The following SRRM4 variants were observed in gnomAD, a reference collection of about 807,000 sequenced individuals.
SRRM4 encodes the protein serine/arginine repetitive matrix 4.
SRRM4 carries 33 observed loss-of-function variants against 68.9 expected under a neutral mutation model. That is an observed-to-expected ratio of 0.48 (90% CI 0.36 to 0.64). The LOEUF (loss-of-function observed/expected upper bound fraction) is 0.64, where lower values mean the gene tolerates loss of function less well. Ranked by LOEUF, SRRM4 falls within the 30% of genes least tolerant of loss-of-function variation. SRRM4 has a pLI of 0.00. For synonymous variants in SRRM4, 318 were observed against 318.8 expected (o/e 1.00, Z 0.03); for missense variants, 817 against 827.1 (o/e 0.99, Z 0.15).
At chr12:119,084,584 G>A (rs1446852854) in intron 1 of SRRM4, among the ~76,000 whole-genome samples, 2 of 152,096 alleles carry the variant, frequency 1.3e-5, no homozygotes, top group African/African-American at 2.4e-5. Context: ...GGCTTGATTG[G>A]GCTATTTCTC....
At chr12:119,044,067 A>G (rs1953688766) in intron 1 of SRRM4, among the ~76,000 whole-genome samples, 1 of 151,718 alleles carries the variant, frequency 6.6e-6, no homozygotes, top group East Asian at 1.9e-4. Context: ...GGGTTTCTCC[A>G]TGTTGGTCAG....
intron 1 of SRRM4, among the ~76,000 whole-genome samples, chr12:119,085,167 G>T (rs1030179757): frequency 6.6e-6 from 1 of 152,222 alleles, no homozygotes; most frequent in Non-Finnish European, 1.5e-5. Flanking sequence ...CTCCCAAAGT[G>T]CTGGGATTAC....
At chr12:119,126,576 T>C (rs1382489337) in intron 7 of SRRM4, among the ~76,000 whole-genome samples, 1 of 152,178 alleles carries the variant, frequency 6.6e-6, no homozygotes, top group East Asian at 1.9e-4. Context: ...AGTAGAAAGT[T>C]CACTCTAATG....
chr12:119,093,231 T>C (rs918064141), intron 1 of SRRM4, among the ~76,000 whole-genome samples: 1 of 152,250 alleles, frequency 6.6e-6, no homozygotes, highest in Non-Finnish European at 1.5e-5. Context: ...TGCAGTACAA[T>C]GTGAGCTCCA....
chr12:119,032,027 T>C (rs1953594972), intron 1 of SRRM4, among the ~76,000 whole-genome samples: 1 of 152,258 alleles, frequency 6.6e-6, no homozygotes, highest in African/African-American at 2.4e-5. Flanking sequence ...GATTACTATC[T>C]AAAGTTCATT....
At chr12:119,093,645 T>A (rs1440431715) in intron 1 of SRRM4, among the ~76,000 whole-genome samples, 5 of 152,194 alleles carry the variant, frequency 3.3e-5, no homozygotes, top group Non-Finnish European at 5.9e-5. Context: ...TTCTTGCCCA[T>A]GGTGACACAA....
chr12:119,106,752 C>A (rs1161258933), intron 2 of SRRM4, among the ~76,000 whole-genome samples: 1 of 152,198 alleles, frequency 6.6e-6, no homozygotes, highest in African/African-American at 2.4e-5. Flanking sequence ...ATGTCATCTG[C>A]AAACAGGGAC....
intron 7 of SRRM4, among the ~76,000 whole-genome samples, chr12:119,126,666 G>T (rs1954263270): frequency 6.6e-6 from 1 of 152,204 alleles, no homozygotes; most frequent in Non-Finnish European, 1.5e-5. Context: ...AAGGCATCTT[G>T]TTGATGAGAA....
chr12:119,156,662 G>A lies in SRRM4; in HGVS notation c.1700G>A (p.Ser567Asn), dbSNP rs775791865. 1.9e-6 allele frequency: 3 copies of A among 1,574,010 alleles called. No individual in the cohort carries two copies. The highest frequency in any genetic ancestry group is 2.3e-5 in the South Asian group (2 of 85,998). ...CGGAGACGGAGCCGGACCCGCACGA[G>A]CAGCAGCTCTAGCTCCCGCAGCCCT... ...RSRRRSRTRTSSSSSSRSPSP... is the reference protein window; with the variant it reads ...RSRRRSRTRTNSSSSSRSPSP... Residue 567 changes from serine to asparagine, a missense_variant, in exon 13 of 13, where the codon AGC (serine) becomes AAC (asparagine). Coordinates refer to ENST00000267260, the MANE Select transcript of SRRM4 (RefSeq NM_194286.4).
intron 1 of SRRM4, among the ~76,000 whole-genome samples, chr12:118,998,426 C>T (rs1953363326): frequency 6.6e-6 from 1 of 152,100 alleles, no homozygotes; most frequent in South Asian, 2.1e-4. Flanking sequence ...TAATGTCTGT[C>T]ATCCTTGCAG....
At chr12:119,046,823 T>C (rs976989735) in intron 1 of SRRM4, among the ~76,000 whole-genome samples, 7 of 152,036 alleles carry the variant, frequency 4.6e-5, no homozygotes, top group African/African-American at 1.4e-4. Flanking sequence ...CAGCACAGTC[T>C]GGAACATAAA....
chr12:119,150,847 C>T (rs1439197663), intron 9 of SRRM4, among the ~76,000 whole-genome samples, 170 bp from the exon 10 acceptor site: 1 of 152,160 alleles, frequency 6.6e-6, no homozygotes, highest in Non-Finnish European at 1.5e-5. Context: ...TGTCTCTACT[C>T]CTCTAACATA....
At chr12:119,011,457 G>A (rs10775013) in intron 1 of SRRM4, among the ~76,000 whole-genome samples, 2 of 151,852 alleles carry the variant, frequency 1.3e-5, no homozygotes, top group East Asian at 1.9e-4. Flanking sequence ...TCTCTAGACC[G>A]TGCCAAATGT....
In SRRM4 at chr12:119,008,974, C is replaced by G. The variant is rs77611612; in HGVS notation, c.131+26961C>G. On this transcript the variant is annotated intron_variant, in intron 1 of 12. Transcript: ENST00000267260. ...TTCCCCTCCCTCCTCTCATTGCCAC[C>G]GAGGGAAATCTGTAATGAATCCGTG... Among the ~76,000 whole-genome samples the G allele has an allele frequency of 3.6e-3, 552 of 152,160 alleles. 3 individuals carry two copies. Among genetic ancestry groups the G allele is most frequent in the African/African-American group, 0.012 (504 of 41,512 alleles).
intron 1 of SRRM4, among the ~76,000 whole-genome samples, chr12:118,987,406 G>T (rs1953289453): frequency 6.6e-6 from 1 of 152,138 alleles, no homozygotes; most frequent in Admixed American, 6.6e-5. Flanking sequence ...CTGTGGACTG[G>T]ACTCCTGAGC....
chr12:118,982,690 TTTTTTC>T (rs1202656816), intron 1 of SRRM4, among the ~76,000 whole-genome samples: 9 of 141,690 alleles, frequency 6.4e-5, no homozygotes, highest in African/African-American at 2.4e-4. Context: ...TTTTTTTTTT[TTTTTTC>T]CAAAAAGAAT....
chr12:119,000,407 TC>T (rs35281263), intron 1 of SRRM4, among the ~76,000 whole-genome samples: 2 of 152,134 alleles, frequency 1.3e-5, no homozygotes, highest in Non-Finnish European at 2.9e-5. Context: ...CCCTTTGCAC[TC>T]CCAGTCACTG....
intron 1 of SRRM4, among the ~76,000 whole-genome samples, chr12:119,028,542 G>C (rs192709785): frequency 1.3e-5 from 2 of 152,316 alleles, no homozygotes; most frequent in East Asian, 3.9e-4. Context: ...CAGCCACACA[G>C]AACTTGAGTG....
intron 1 of SRRM4, among the ~76,000 whole-genome samples, chr12:118,998,958 A>G (rs1953366940): frequency 6.6e-6 from 1 of 152,246 alleles, no homozygotes. Flanking sequence ...TGTTATGCAT[A>G]TAATGGGAAG....
Sources: allele counts gnomAD v4.1 joint callset (sites outside exome capture counted in the v4.1 genomes callset), GRCh38; gene constraint gnomAD v4.1.1; transcripts MANE v1.5; gene names NCBI Gene and HGNC (gene_info 2026-07-23, HGNC 2026-07-21).